EHF: variants seen among roughly 807,000 people sequenced by gnomAD.
EHF encodes the protein ESE3 transcription factor.
EHF carries 14 observed loss-of-function variants against 45.1 expected under a neutral mutation model. The observed-to-expected ratio is 0.31, with a 90% CI of 0.21 to 0.49. The LOEUF (loss-of-function observed/expected upper bound fraction) is 0.49. EHF is among the 20% of genes least tolerant of loss of function. The pLI is 0.99. For synonymous variants in EHF, 136 were observed against 131.8 expected (o/e 1.03, Z -0.22); for missense variants, 282 against 371.4 (o/e 0.76, Z 1.98).
Position 34,646,656 on chromosome 11 carries a change from C to T in EHF, c.315C>T (p.Tyr105=), listed in dbSNP as rs1854575648. The T allele has an allele frequency of 1.2e-6, 2 of 1,612,256 alleles. No individual in the cohort carries two copies. Among genetic ancestry groups the T allele is most frequent in the Non-Finnish European group, 1.7e-6 (2 of 1,179,980 alleles). ...CAGGGACGGCGGGGCAGCTCCTCTA[C>T]AGCAACTTGCAGCATCTGAAGTGGA... ...RAAGTAGQLL[Y]SNLQHLKWNG... is the part of the protein sequence containing the mutation. Residue 105 remains tyrosine (Y), a synonymous_variant, in exon 3 of 9, where the codon TAC becomes TAT. Coordinates refer to ENST00000257831, the MANE Select transcript of EHF (RefSeq NM_012153.6).
chr11:34,661,509 T>G lies in EHF; in HGVS notation c.*2578T>G, dbSNP rs1178475325. Among the ~76,000 whole-genome samples, 1 of 152,112 alleles carries G rather than the reference T, an allele frequency of 6.6e-6. No homozygotes were observed. The highest frequency in any genetic ancestry group is 1.5e-5 in the Non-Finnish European group (1 of 68,006). ...TTCTACAGATAATTAGTGGATTGTGTTGTTTGTTGAGAGTGAAGGTTTCTT... is the reference window on the plus strand; with the variant it reads ...TTCTACAGATAATTAGTGGATTGTGGTGTTTGTTGAGAGTGAAGGTTTCTT... On this transcript the variant is annotated 3_prime_UTR_variant, in exon 9 of 9. Coordinates refer to ENST00000257831, the MANE Select transcript of EHF (RefSeq NM_012153.6).
At position 34,649,128 on chromosome 11, in the gene EHF, C is replaced by T. The variant is rs181535835; in HGVS notation, c.406+47C>T. The T allele has an allele frequency of 3.1e-5, 49 of 1,599,158 alleles. No homozygotes were observed. The Admixed American group carries it at 5.8e-4, about 19-fold the overall frequency. ...GAGCCAACCTAGCCTGGCAAAGCTCCGGGGAGGACAGTTGGGAGAGGGCAA... is the reference window on the plus strand; with the variant it reads ...GAGCCAACCTAGCCTGGCAAAGCTCTGGGGAGGACAGTTGGGAGAGGGCAA... On this transcript the variant is annotated intron_variant, in intron 4 of 8. Coordinates refer to ENST00000257831, the MANE Select transcript of EHF (RefSeq NM_012153.6).
intron 1 of EHF, among the ~76,000 whole-genome samples, chr11:34,638,010 T>G (rs2134066795): frequency 6.6e-6 from 1 of 152,126 alleles, no homozygotes; most frequent in East Asian, 1.9e-4. Context: ...CAAGCGATTC[T>G]CCTGCCTCAA....
Position 34,651,422 on chromosome 11 carries a change from G to T in EHF, c.407-120G>T, listed in dbSNP as rs76384763. On this transcript the variant is annotated intron_variant, in intron 4 of 8. Transcript: ENST00000257831. Reference sequence around the variant, plus strand: ...CAGCTGAAGCAGAATCATATCCCTTGTCTCTGAGGACCACTCCTCACCCCC... The same window carrying T: ...CAGCTGAAGCAGAATCATATCCCTTTTCTCTGAGGACCACTCCTCACCCCC... 2,980 of 758,866 alleles carry T rather than the reference G, an allele frequency of 3.9e-3. 61 individuals carry two copies. In the African/African-American group the frequency reaches 0.046, roughly 12 times the overall value. The allele number at this position is 758,866 out of a possible 1,614,324, so 47.0% of individuals were successfully genotyped here.
intron 1 of EHF, among the ~76,000 whole-genome samples, chr11:34,636,511 A>T (rs1853419157): frequency 6.6e-6 from 1 of 152,256 alleles, no homozygotes; most frequent in South Asian, 2.1e-4. Context: ...TTGACTAGAC[A>T]CTTGCTACAT....
intron 3 of EHF, 152 bp downstream of exon 3, chr11:34,646,836 A>G (rs1010943140): frequency 2.0e-6 from 2 of 1,016,538 alleles, no homozygotes; most frequent in South Asian, 1.5e-5. Flanking sequence ...TGGAAGGAAG[A>G]TGAAAGGACA....
rs1854561196 is a variant in EHF at position 34,646,559 on chromosome 11, T to C, written c.218T>C (p.Ile73Thr). 2 of 1,613,644 alleles carry C rather than the reference T, an allele frequency of 1.2e-6. No individual in the cohort carries two copies. The highest frequency in any genetic ancestry group is 2.7e-5 in the African/African-American group (2 of 74,856). ...LDTNQLDANC[I>T]PFQEFDINGE... ...ACCAACCAGCTGGATGCCAATTGTA[T>C]CCCTTTCCAAGAGTTCGACATCAAC... Residue 73 changes from isoleucine (I) to threonine (T), a missense_variant, in exon 3 of 9, where the codon ATC becomes ACC. Ile to Thr is a moderately conservative substitution (Grantham distance 89, BLOSUM62 -1). Coordinates refer to ENST00000257831, the MANE Select transcript of EHF (RefSeq NM_012153.6).
At chr11:34,656,263 T>C (rs956460228) in intron 6 of EHF, among the ~76,000 whole-genome samples, 2 of 152,204 alleles carry the variant, frequency 1.3e-5, no homozygotes, top group East Asian at 3.9e-4. Flanking sequence ...GCCCTCTGTA[T>C]TGAGCTTGGG....
chr11:34,625,145 T>C (rs747305335), intron 1 of EHF, among the ~76,000 whole-genome samples: 5 of 152,236 alleles, frequency 3.3e-5, no homozygotes, highest in Admixed American at 6.5e-5. Flanking sequence ...TTAAATGGAT[T>C]CTTTAGGGCC....
At chr11:34,636,529 G>A (rs4525203) in intron 1 of EHF, among the ~76,000 whole-genome samples, 89,240 of 152,068 alleles carry the variant, frequency 0.59, 26,409 homozygotes, top group South Asian at 0.61. Context: ...CATATGAGAC[G>A]TTATGCTGGG....
chr11:34,633,385 T>A (rs1853089179), intron 1 of EHF, among the ~76,000 whole-genome samples: 1 of 152,168 alleles, frequency 6.6e-6, no homozygotes, highest in African/African-American at 2.4e-5. Flanking sequence ...GAGTTGATCA[T>A]CTTGTGGTGG....
chr11:34,656,618 C>T lies in EHF; in HGVS notation c.545-290C>T, dbSNP rs546037434. ...CTGTTGCACAAGCTCTCTGCATGAC[C>T]TTTTCCCTCATATCCTTTAGGTCGT... On this transcript the variant is annotated intron_variant, in intron 6 of 8. Transcript: ENST00000257831. Among the ~76,000 whole-genome samples, 369 of 152,286 alleles carry T rather than the reference C, an allele frequency of 2.4e-3. 2 individuals are homozygous for T. The highest frequency in any genetic ancestry group is 4.2e-3 in the Non-Finnish European group (284 of 68,016).
At chr11:34,636,181 T>C (rs1379458300) in intron 1 of EHF, among the ~76,000 whole-genome samples, 1 of 152,256 alleles carries the variant, frequency 6.6e-6, no homozygotes, top group Non-Finnish European at 1.5e-5. Context: ...ATTTATCAAA[T>C]ACTTACTATG....
chr11:34,656,912 G>A lies in EHF; in HGVS notation c.549G>A (p.Glu183=). Residue 183 remains glutamate (E), a synonymous_variant, in exon 7 of 9, where the codon GAG becomes GAA. Coordinates refer to ENST00000257831, the MANE Select transcript of EHF (RefSeq NM_012153.6). The part of the protein sequence containing the change: ...MTTTSHLPVA[E]SPDMKKEQDP... ...GCCTCTCATTTTTCTCCTTAGCAGA[G>A]TCACCTGATATGAAAAAGGAGCAAG... is the stretch of plus-strand genomic sequence containing the variant. 6.2e-7 allele frequency: 1 copy of A among 1,613,540 alleles called. No individual in the cohort carries two copies. The highest frequency in any genetic ancestry group is 8.5e-7 in the Non-Finnish European group (1 of 1,179,748).
Position 34,651,537 on chromosome 11 carries a change from TG to T in EHF, c.407-4del. On this transcript the variant is annotated splice_polypyrimidine_tract_variant and splice_region_variant and intron_variant, in intron 4 of 8. Coordinates refer to ENST00000257831, the MANE Select transcript of EHF (RefSeq NM_012153.6). ...CTGACTATTCTCCTTCTCTATTTTT[TG>T]TAGAGCCTTCCATCATGAACACCTG... 6.2e-7 allele frequency: 1 copy of T among 1,612,816 alleles called. No homozygotes were observed. Among genetic ancestry groups the T allele is most frequent in the East Asian group, 2.2e-5 (1 of 44,862 alleles).
chr11:34,645,063 T>TTTGCCCC (rs774827278), intron 2 of EHF, among the ~76,000 whole-genome samples: 8 of 152,140 alleles, frequency 5.3e-5, no homozygotes, highest in Non-Finnish European at 8.8e-5. Context: ...TGCAATAGTC[T>TTTGCCCC]TTGCCCCTTG....
intron 1 of EHF, among the ~76,000 whole-genome samples, chr11:34,639,399 G>A (rs1423154895): frequency 4.6e-5 from 7 of 152,194 alleles, no homozygotes; most frequent in Non-Finnish European, 1.0e-4. Flanking sequence ...TGGGAGTATG[G>A]GTGAGTTCGT....
intron 1 of EHF, among the ~76,000 whole-genome samples, chr11:34,630,654 C>A (rs906151412): frequency 7.2e-6 from 1 of 138,312 alleles, no homozygotes; most frequent in African/African-American, 2.7e-5. Flanking sequence ...GTCCTCCACC[C>A]TTCCTACATT....
intron 1 of EHF, among the ~76,000 whole-genome samples, chr11:34,626,143 T>C (rs769768193): frequency 6.6e-6 from 1 of 152,214 alleles, no homozygotes; most frequent in Non-Finnish European, 1.5e-5. Context: ...ATTATGAACA[T>C]CAAATTTCAT....
Sources: allele counts gnomAD v4.1 joint callset (sites outside exome capture counted in the v4.1 genomes callset), GRCh38; gene constraint gnomAD v4.1.1; transcripts MANE v1.5; gene names NCBI Gene and HGNC (gene_info 2026-07-23, HGNC 2026-07-21).